The following PRR14L variants were observed in gnomAD, a reference collection of about 807,000 sequenced individuals.
PRR14L encodes protein PRR14L.
Under a neutral mutation model 155.0 loss-of-function variants are expected in PRR14L, and 80 were observed. The observed-to-expected ratio is 0.52, with a 90% confidence interval of 0.43 to 0.62. The LOEUF is 0.62. Among genes scored for constraint, PRR14L ranks in the 20% least tolerant of loss-of-function variants. The pLI, the probability that PRR14L is intolerant of heterozygous loss-of-function variation, is 0.00. For missense variants in PRR14L, 2,469 were observed against 2,548.0 expected, an observed-to-expected ratio of 0.97 and a Z score of 0.67; for synonymous variants, 883 against 916.0, an observed-to-expected ratio of 0.96 and a Z score of 0.65.
At chr22:31,718,836 G>C (rs2074674798) in intron 3 of PRR14L, among the ~76,000 whole-genome samples, 1 of 123,680 alleles carries the variant, frequency 8.1e-6, no homozygotes, top group Admixed American at 8.6e-5. Flanking sequence ...CATTTTGGGA[G>C]GCCGAGGTGG....
At chr22:31,711,776 CAAAAAAA>C (rs757790329) in intron 4 of PRR14L, among the ~76,000 whole-genome samples, 1,159 of 48,734 alleles carry the variant, frequency 0.024, 11 homozygotes, top group African/African-American at 0.076. Context: ...AAGAGTTAAT[CAAAAAAA>C]AAAAAAAAAA....
chr22:31,742,345 T>C (rs1047595190), intron 1 of PRR14L, among the ~76,000 whole-genome samples: 6 of 150,906 alleles, frequency 4.0e-5, no homozygotes, highest in African/African-American at 1.5e-4. Context: ...GCCTCTGTAA[T>C]GAGGATGACT....
chr22:31,708,310 A>C (rs1160296496), intron 4 of PRR14L, among the ~76,000 whole-genome samples: 1 of 151,896 alleles, frequency 6.6e-6, no homozygotes, highest in Non-Finnish European at 1.5e-5. Context: ...TACACAATAC[A>C]AACCAGCAGG....
chr22:31,697,678 G>T (rs2147855432), intron 7 of PRR14L, among the ~76,000 whole-genome samples: 1 of 152,052 alleles, frequency 6.6e-6, no homozygotes, highest in East Asian at 1.9e-4. Flanking sequence ...CCAGCCTGGG[G>T]AACATGGCAA....
intron 3 of PRR14L, among the ~76,000 whole-genome samples, chr22:31,717,849 C>G (rs1217299492): frequency 6.6e-6 from 1 of 151,994 alleles, no homozygotes; most frequent in Non-Finnish European, 1.5e-5. Context: ...CAACCTCCAC[C>G]TCTCAGCTCA....
chr22:31,748,089 G>C (rs1335185615), intron 1 of PRR14L, among the ~76,000 whole-genome samples: 1 of 151,614 alleles, frequency 6.6e-6, no homozygotes, highest in Non-Finnish European at 1.5e-5. Context: ...AATAACACTA[G>C]GCGCTGCCAT....
intron 1 of PRR14L, among the ~76,000 whole-genome samples, chr22:31,745,762 G>A (rs58630314): frequency 2.6e-3 from 386 of 151,258 alleles, no homozygotes; most frequent in African/African-American, 8.8e-3. Context: ...CACGAGAATC[G>A]CTTGAACCTG....
In PRR14L at chr22:31,684,226, C is replaced by G. The variant is rs1309961124; in HGVS notation, c.*1301G>C. 6.6e-6 allele frequency: 1 copy of G among 152,408 alleles called. No homozygotes were observed. The highest frequency in any genetic ancestry group is 1.5e-5 in the Non-Finnish European group (1 of 68,056). The allele number at this position is 152,408 out of a possible 1,614,324, so 9.4% of individuals were successfully genotyped here. A position where few individuals can be genotyped will look rare whatever the true frequency, so the allele number is the denominator to read the frequency against. ...GGCACAAACCCAGAAACTCGGCTAACTCCAGCATTTGACAGTTCCGGTAGA... is the reference window on the plus strand; with the variant it reads ...GGCACAAACCCAGAAACTCGGCTAAGTCCAGCATTTGACAGTTCCGGTAGA... On this transcript the variant is annotated 3_prime_UTR_variant, in exon 9 of 9. Transcript: ENST00000327423.
chr22:31,731,376 A>G (rs989555706), intron 2 of PRR14L, among the ~76,000 whole-genome samples: 1 of 151,988 alleles, frequency 6.6e-6, no homozygotes, highest in African/African-American at 2.4e-5. Flanking sequence ...CATCCTGGCT[A>G]ACACGGTGAA....
intron 2 of PRR14L, among the ~76,000 whole-genome samples, chr22:31,727,722 C>T (rs2074724465): frequency 6.6e-6 from 1 of 151,998 alleles, no homozygotes; most frequent in Non-Finnish European, 1.5e-5. Context: ...TGGCTCACGC[C>T]TTTAATCCCA....
chr22:31,732,227 T>A (rs1174896166), intron 2 of PRR14L, among the ~76,000 whole-genome samples: 1 of 152,224 alleles, frequency 6.6e-6, no homozygotes, highest in Non-Finnish European at 1.5e-5. Flanking sequence ...TTTGCATTTT[T>A]TACTTAACAG....
chr22:31,739,523 T>C (rs1027033607), intron 1 of PRR14L, among the ~76,000 whole-genome samples: 2 of 152,208 alleles, frequency 1.3e-5, no homozygotes, highest in Non-Finnish European at 2.9e-5. Flanking sequence ...TCCTTCCTGA[T>C]TTTTATCCTG....
At chr22:31,692,021 C>A (rs1473094175) in intron 7 of PRR14L, among the ~76,000 whole-genome samples, 1 of 152,096 alleles carries the variant, frequency 6.6e-6, no homozygotes, top group Non-Finnish European at 1.5e-5. Flanking sequence ...GCACGCACCA[C>A]CACTCCTGGC....
chr22:31,699,498 G>A (rs1009010037), intron 7 of PRR14L, among the ~76,000 whole-genome samples: 1 of 152,138 alleles, frequency 6.6e-6, no homozygotes, highest in Non-Finnish European at 1.5e-5. Context: ...GGAGCATTTG[G>A]GATTTTCAGA....
At position 31,715,527 on chromosome 22, in the gene PRR14L, A is replaced by T; in HGVS notation, c.2312T>A (p.Val771Glu). 1 of 1,552,210 alleles carries T rather than the reference A, an allele frequency of 6.4e-7. No individual in the cohort carries two copies. Among genetic ancestry groups the T allele is most frequent in the Non-Finnish European group, 8.7e-7 (1 of 1,147,086 alleles). ...NKREAAGFPQ[V>E]VSVIECHSVQ... ...GCTGTGACATTCTATGACAGAGACC[A>T]CTTGAGGAAAGCCAGCTGCTTCTCT... is the stretch of plus-strand genomic sequence containing the variant. The change falls in exon 4 of 9, where the codon GTG (valine) becomes GAG (glutamate). Residue 771 changes from valine to glutamate, a missense_variant. Transcript: ENST00000327423.
intron 8 of PRR14L, among the ~76,000 whole-genome samples, chr22:31,686,014 AACCTCTGTC>A (rs1314621836): frequency 6.6e-6 from 1 of 152,050 alleles, no homozygotes; most frequent in East Asian, 1.9e-4. Flanking sequence ...GGCTCACTGC[AACCTCTGTC>A]TCCTGGGTTC....
chr22:31,746,072 G>A (rs565456958), intron 1 of PRR14L, among the ~76,000 whole-genome samples: 1 of 151,876 alleles, frequency 6.6e-6, no homozygotes, highest in African/African-American at 2.4e-5. Context: ...CAGGACTACA[G>A]GCGCGAGGCA....
Position 31,715,466 on chromosome 22 carries a change from T to C in PRR14L, c.2373A>G (p.Val791=), listed in dbSNP as rs1339193632. ...QSQDISSCHR[V]RKNVSQENMC... Reference sequence around the variant, plus strand: ...TGTTTTCCTGGGATACATTTTTTCTTACACGATGACAGCTAGAGATATCCT... The same window carrying C: ...TGTTTTCCTGGGATACATTTTTTCTCACACGATGACAGCTAGAGATATCCT... The change falls in exon 4 of 9, where the codon GTA becomes GTG. Residue 791 remains valine (V), a synonymous_variant. Transcript: ENST00000327423. 1 of 1,552,382 alleles carries C rather than the reference T, an allele frequency of 6.4e-7. No homozygotes were observed. Among genetic ancestry groups the C allele is most frequent in the Non-Finnish European group, 8.7e-7 (1 of 1,147,134 alleles).
chr22:31,722,590 C>A (rs1293978260), intron 3 of PRR14L, among the ~76,000 whole-genome samples: 1 of 150,320 alleles, frequency 6.7e-6, no homozygotes, highest in Non-Finnish European at 1.5e-5. Flanking sequence ...TGGAGCGATC[C>A]CCGCTCACTG....
Sources: allele counts gnomAD v4.1 joint callset (sites outside exome capture counted in the v4.1 genomes callset), GRCh38; gene constraint gnomAD v4.1.1; transcripts MANE v1.5; gene names NCBI Gene and HGNC (gene_info 2026-07-23, HGNC 2026-07-21).